Variants in KLHL1 observed in about 807,000 individuals in gnomAD.
The protein encoded by KLHL1 is kelch like family member 1, also known as kelch-like protein 1.
A neutral mutation model predicts 77.7 loss-of-function variants in KLHL1; 47 were observed. That is an observed-to-expected ratio of 0.60 (90% CI 0.48 to 0.77). KLHL1 has a LOEUF of 0.77. Ranked by LOEUF, KLHL1 falls within the 30% of genes least tolerant of loss-of-function variation. KLHL1 has a pLI of 0.00. For missense variants in KLHL1, 925 were observed against 910.8 expected (o/e 1.02, Z -0.20); for synonymous variants, 360 against 325.2 (o/e 1.11, Z -1.15).
At chr13:69,782,207 A>G (rs1876254062) in intron 7 of KLHL1, among the ~76,000 whole-genome samples, 1 of 152,306 alleles carries the variant, frequency 6.6e-6, no homozygotes, top group South Asian at 2.1e-4. Context: ...GAACAGGAAC[A>G]GCTCCGGTCT....
chr13:70,082,107 G>A (rs1012883473), intron 1 of KLHL1, among the ~76,000 whole-genome samples: 23 of 152,012 alleles, frequency 1.5e-4, no homozygotes, highest in African/African-American at 5.1e-4. Flanking sequence ...GGATGTGCTG[G>A]CTTCCCCTTT....
At chr13:69,796,686 A>T in intron 7 of KLHL1, 52 bp downstream of exon 7, 1 of 1,253,036 alleles carries the variant, frequency 8.0e-7, no homozygotes, top group Non-Finnish European at 1.2e-6. Flanking sequence ...TCATATAGTT[A>T]CATTATCAAT....
intron 2 of KLHL1, among the ~76,000 whole-genome samples, chr13:69,963,506 T>C (rs1007907796): frequency 2.0e-5 from 3 of 152,174 alleles, no homozygotes; most frequent in Non-Finnish European, 4.4e-5. Flanking sequence ...CTACAGTCTT[T>C]GTTGCATATT....
chr13:69,985,111 C>A (rs536893544), intron 1 of KLHL1, among the ~76,000 whole-genome samples: 1 of 149,554 alleles, frequency 6.7e-6, no homozygotes, highest in South Asian at 2.1e-4. Context: ...GACTCTGTCT[C>A]AAAACAGACA....
chr13:70,035,550 AT>A (rs765418224), intron 1 of KLHL1, among the ~76,000 whole-genome samples: 1 of 152,148 alleles, frequency 6.6e-6, no homozygotes, highest in East Asian at 1.9e-4. Flanking sequence ...AAATAAGATA[AT>A]TTTTTTAAAA....
chr13:69,802,765 A>G (rs144565069), intron 6 of KLHL1, among the ~76,000 whole-genome samples: 2 of 151,924 alleles, frequency 1.3e-5, no homozygotes, highest in East Asian at 2.0e-4. Context: ...AAGGACAGGA[A>G]TTGCTCAGTC....
rs554037386 is a variant in KLHL1 at position 69,970,518 on chromosome 13, C to A, written c.680+5102G>T. Among the ~76,000 whole-genome samples, 4 of 152,178 alleles carry A rather than the reference C, an allele frequency of 2.6e-5. No individual in the cohort carries two copies. In the East Asian group the frequency reaches 7.8e-4, roughly 30 times the overall value. On this transcript the variant is annotated intron_variant, in intron 2 of 10. Transcript: ENST00000377844. ...CAGTGATGTTAGTACCTAAAGCACC[C>A]AGATGCTCCTTTTTTCAGGAACTGG...
chr13:69,947,365 T>C (rs141718193), intron 3 of KLHL1, among the ~76,000 whole-genome samples: 1,555 of 152,026 alleles, frequency 0.01, 25 homozygotes, highest in African/African-American at 0.035. Flanking sequence ...TTTATATGTG[T>C]GTGTATTTTT....
chr13:69,990,602 G>A (rs913486882), intron 1 of KLHL1, among the ~76,000 whole-genome samples: 63 of 151,918 alleles, frequency 4.1e-4, no homozygotes, highest in Admixed American at 4.1e-3. Flanking sequence ...AAAGAGTTCA[G>A]TTGAACAAGA....
chr13:70,035,091 C>T (rs537272151), intron 1 of KLHL1, among the ~76,000 whole-genome samples: 19 of 152,090 alleles, frequency 1.2e-4, no homozygotes, highest in Admixed American at 1.2e-3. Context: ...ATATTAATAA[C>T]CCTTGAAGGA....
chr13:69,854,171 T>C (rs1301177624), intron 5 of KLHL1, among the ~76,000 whole-genome samples: 1 of 152,016 alleles, frequency 6.6e-6, no homozygotes, highest in Admixed American at 6.6e-5. Flanking sequence ...ATTGAATACC[T>C]GAGACTGGGA....
intron 1 of KLHL1, among the ~76,000 whole-genome samples, chr13:70,102,274 C>T (rs777742765): frequency 2.0e-5 from 3 of 152,088 alleles, no homozygotes; most frequent in Non-Finnish European, 4.4e-5. Flanking sequence ...ATTTTCTATC[C>T]TAAAGCCCTA....
At chr13:70,057,801 A>G (rs1241352102) in intron 1 of KLHL1, among the ~76,000 whole-genome samples, 1 of 149,644 alleles carries the variant, frequency 6.7e-6, no homozygotes, top group African/African-American at 2.4e-5. Context: ...AAAAAAAAAA[A>G]AAAAGAAAGA....
chr13:69,998,918 G>T (rs942658212), intron 1 of KLHL1, among the ~76,000 whole-genome samples: 5 of 151,876 alleles, frequency 3.3e-5, no homozygotes, highest in Admixed American at 6.6e-5. Context: ...GCTTTAATCT[G>T]GGGGATGCTT....
intron 6 of KLHL1, among the ~76,000 whole-genome samples, chr13:69,820,286 C>T (rs1181359266): frequency 1.3e-5 from 2 of 152,148 alleles, no homozygotes; most frequent in South Asian, 4.1e-4. Context: ...GTTCACATAT[C>T]GGTTATCATA....
intron 7 of KLHL1, 91 bp from the exon 8 acceptor site, chr13:69,740,647 T>G: frequency 1.2e-6 from 1 of 862,618 alleles, no homozygotes; most frequent in Non-Finnish European, 1.7e-6. Flanking sequence ...TCATGTTAAG[T>G]GTCCCTAACA....
At chr13:69,809,554 G>A (rs1218340680) in intron 6 of KLHL1, among the ~76,000 whole-genome samples, 1 of 152,032 alleles carries the variant, frequency 6.6e-6, no homozygotes, top group African/African-American at 2.4e-5. Context: ...AGATGCTTAA[G>A]GGAATTTTAG....
intron 5 of KLHL1, among the ~76,000 whole-genome samples, chr13:69,854,278 T>A (rs1308695184): frequency 6.6e-6 from 1 of 151,902 alleles, no homozygotes; most frequent in Non-Finnish European, 1.5e-5. Flanking sequence ...TTCAGGCTGT[T>A]TCTACTCATT....
chr13:70,075,241 A>G (rs1887234071), intron 1 of KLHL1, among the ~76,000 whole-genome samples: 1 of 151,886 alleles, frequency 6.6e-6, no homozygotes, highest in African/African-American at 2.4e-5. Context: ...TGGATGGGAC[A>G]AGTAAAGGGG....
Sources: allele counts gnomAD v4.1 joint callset (sites outside exome capture counted in the v4.1 genomes callset), GRCh38; gene constraint gnomAD v4.1.1; transcripts MANE v1.5; gene names NCBI Gene and HGNC (gene_info 2026-07-23, HGNC 2026-07-21).